Variants in ERBB3 observed in about 807,000 individuals in gnomAD.
ERBB3 encodes receptor tyrosine-protein kinase erbB-3.
ERBB3 carries 96 observed loss-of-function variants against 156.7 expected under a neutral mutation model. The ratio of observed to expected loss-of-function variants is 0.61; its 90% CI spans 0.52 to 0.73. ERBB3 has a LOEUF of 0.73. Ranked by LOEUF, ERBB3 falls within the 30% of genes least tolerant of loss-of-function variation. The probability of loss-of-function intolerance (pLI) is 0.00; values close to 1 mark genes in which losing one functional copy is unlikely to be tolerated. For missense variants in ERBB3, 1,406 were observed against 1,709.4 expected (o/e 0.82, Z 3.13); for synonymous variants, 567 against 632.0 (o/e 0.90, Z 1.54).
At position 56,101,532 on chromosome 12, in the gene ERBB3, C is replaced by G; in HGVS notation, c.3506C>G (p.Thr1169Ser). ...YVMPDTHLKG[T>S]PSSREGTLSS... Reference sequence around the variant, plus strand: ...AGCCTTTCTTCTCAACCCCCAGGTACTCCCTCCTCCCGGGAAGGCACCCTT... The same window carrying G: ...AGCCTTTCTTCTCAACCCCCAGGTAGTCCCTCCTCCCGGGAAGGCACCCTT... Residue 1169 changes from threonine (T) to serine (S), a missense_variant, in exon 28 of 28, where the codon ACT (threonine) becomes AGT (serine). Physicochemically the swap from Thr to Ser is moderately conservative, Grantham distance 58 (BLOSUM62 1). Coordinates refer to ENST00000267101, the MANE Select transcript of ERBB3 (RefSeq NM_001982.4). 1 of 1,614,010 alleles carries G rather than the reference C, an allele frequency of 6.2e-7. No homozygotes were observed. Among genetic ancestry groups the G allele is most frequent in the Non-Finnish European group, 8.5e-7 (1 of 1,179,988 alleles).
intron 26 of ERBB3, 122 bp from the exon 27 acceptor site, chr12:56,100,939 C>CAAAAAAAAA: frequency 3.3e-6 from 1 of 300,948 alleles, no homozygotes; most frequent in Non-Finnish European, 5.7e-6. Context: ...GACTCCACCT[C>CAAAAAAAAA]AAAAAAAAAA....
intron 20 of ERBB3, 50 bp from the exon 21 acceptor site, chr12:56,097,735 G>A: frequency 6.3e-7 from 1 of 1,577,182 alleles, no homozygotes; most frequent in Non-Finnish European, 8.7e-7. Context: ...CCAGATCTCA[G>A]TGACTGATTC....
intron 23 of ERBB3, among the ~76,000 whole-genome samples, chr12:56,099,407 G>A (rs1335839103): frequency 6.6e-6 from 1 of 151,188 alleles, no homozygotes; most frequent in Non-Finnish European, 1.5e-5. Flanking sequence ...AAGTTCTTCT[G>A]TCTCAGCCTC....
chr12:56,098,382 A>G, intron 21 of ERBB3, 118 bp from the exon 22 acceptor site: 1 of 785,718 alleles, frequency 1.3e-6, no homozygotes, highest in Non-Finnish European at 2.2e-6. Context: ...ACTGCACTCC[A>G]GTCTGGGCGA....
intron 20 of ERBB3, among the ~76,000 whole-genome samples, chr12:56,097,445 A>G (rs1360627974): frequency 6.6e-6 from 1 of 152,126 alleles, no homozygotes; most frequent in African/African-American, 2.4e-5. Flanking sequence ...AGTCCCCATC[A>G]CTTGCATTAC....
Position 56,097,226 on chromosome 12 carries a change from C to A in ERBB3, c.2456C>A (p.Ala819Asp), listed in dbSNP as rs1459451822. The change falls in exon 20 of 28, where the codon GCC (alanine) becomes GAC (aspartate). Residue 819 changes from alanine (A) to aspartate (D), a missense_variant. Coordinates refer to ENST00000267101, the MANE Select transcript of ERBB3 (RefSeq NM_001982.4). ...QLLLNWGVQI[A>D]KGMYYLEEHG... ...CTGCTCAACTGGGGAGTACAAATTG[C>A]CAAGGTGAGAGAAGCCTGGAGGAAT... 1 of 1,613,896 alleles carries A rather than the reference C, an allele frequency of 6.2e-7. No individual in the cohort carries two copies. The highest frequency in any genetic ancestry group is 8.5e-7 in the Non-Finnish European group (1 of 1,179,854).
Position 56,101,299 on chromosome 12 carries a change from C to T in ERBB3, c.3440C>T (p.Ser1147Phe), listed in dbSNP as rs1869092602. 2 of 1,614,180 alleles carry T rather than the reference C, an allele frequency of 1.2e-6. No homozygotes were observed. The highest frequency in any genetic ancestry group is 1.7e-6 in the Non-Finnish European group (2 of 1,180,024). The change falls in exon 27 of 28, where the codon TCC becomes TTC. Residue 1147 changes from serine (S) to phenylalanine (F), a missense_variant. Transcript: ENST00000267101. ...HSLLTPVTPL[S>F]PPGLEEEDVN... ...CTGCTGACTCCTGTTACCCCACTCT[C>T]CCCACCCGGGTTAGAGGAAGAGGAT... is the stretch of plus-strand genomic sequence containing the variant.
intron 7 of ERBB3, 137 bp from the exon 8 acceptor site, chr12:56,088,406 C>T: frequency 2.3e-6 from 2 of 869,524 alleles, no homozygotes; most frequent in South Asian, 1.3e-5. Flanking sequence ...TAGGGCAGCA[C>T]TTAAGGGATC....
rs1278863098 is a variant in ERBB3, at chr12:56,099,748, G to A, written c.2937+3G>A. 1.9e-6 allele frequency: 3 copies of A among 1,613,624 alleles called. No individual in the cohort carries two copies. Among genetic ancestry groups the A allele is most frequent in the East Asian group, 2.2e-5 (1 of 44,878 alleles). On this transcript the variant is annotated splice_donor_region_variant and intron_variant, in intron 24 of 27. Transcript: ENST00000267101. The stretch of plus-strand genomic sequence containing the variant: ...CACCACGGTATCTGGTCATAAAGGT[G>A]AGTAGGGAGTAGGAGGTGCTAAGGA...
At chr12:56,083,092 C>T (rs529681686) in intron 1 of ERBB3, among the ~76,000 whole-genome samples, 20 of 152,220 alleles carry the variant, frequency 1.3e-4, no homozygotes, top group African/African-American at 3.9e-4. Context: ...CCCAGCACTG[C>T]CAGAGCTCCC....
chr12:56,080,259 C>T lies in ERBB3; in HGVS notation c.-42C>T. The T allele has an allele frequency of 1.3e-6, 2 of 1,511,332 alleles. No homozygotes were observed. Among genetic ancestry groups the T allele is most frequent in the South Asian group, 1.2e-5 (1 of 83,358 alleles). The allele number at this position is 1,511,332 out of a possible 1,614,324, so 93.6% of individuals were successfully genotyped here. A position where few individuals can be genotyped will look rare whatever the true frequency, so the allele number is the denominator to read the frequency against. ...CTCGATGTCCTAGCCTAGGGGCCCC[C>T]GGGCCGGACTTGGCTGGGCTCCCTT... On this transcript the variant is annotated 5_prime_UTR_variant, in exon 1 of 28. Transcript: ENST00000267101.
Position 56,100,180 on chromosome 12 carries a change from A to C in ERBB3, c.3136A>C (p.Ser1046Arg), listed in dbSNP as rs771613701. 1 of 1,613,902 alleles carries C rather than the reference A, an allele frequency of 6.2e-7. No individual in the cohort carries two copies. The highest frequency in any genetic ancestry group is 8.5e-7 in the Non-Finnish European group (1 of 1,179,788). Residue 1046 changes from serine (S) to arginine (R), a missense_variant, in exon 26 of 28, where the codon AGC becomes CGC. Physicochemically the swap from Ser to Arg is moderately radical, Grantham distance 110 (BLOSUM62 -1). Around this residue, in one of 3 missense-constraint regions of ERBB3, gnomAD observed 415 missense variants for 454.1 expected, o/e 0.91. Transcript: ENST00000267101. The stretch of plus-strand genomic sequence containing the variant: ...CCTTATTTTTTCATCCTAGAGCCAG[A>C]GCCTTTTAAGTCCATCATCTGGATA... Reference protein sequence around the residue: ...GTLNRPRGSQSLLSPSSGYMP... With the variant: ...GTLNRPRGSQRLLSPSSGYMP...
chr12:56,083,785 C>T lies in ERBB3; in HGVS notation c.117C>T (p.Thr39=), dbSNP rs749408634. ...CPGTLNGLSV[T]GDAENQYQTL... The stretch of plus-strand genomic sequence containing the variant: ...GGACTCTGAATGGCCTGAGTGTGAC[C>T]GGCGATGCTGAGAACCAATACCAGA... The change falls in exon 2 of 28, where the codon ACC becomes ACT. Residue 39 remains threonine (T), a synonymous_variant. Transcript: ENST00000267101. 1.6e-5 allele frequency: 26 copies of T among 1,613,886 alleles called. No individual in the cohort carries two copies. Among genetic ancestry groups the T allele is most frequent in the South Asian group, 4.4e-5 (4 of 91,080 alleles).
At position 56,096,565 on chromosome 12, in the gene ERBB3, G is replaced by A. The variant is rs767179070; in HGVS notation, c.2118G>A (p.Glu706=). 6.2e-6 allele frequency: 10 copies of A among 1,614,072 alleles called. No individual in the cohort carries two copies. In the East Asian group the frequency reaches 2.2e-4, roughly 36 times the overall value. ...AAGTCTTGGCCAGAATCTTCAAAGA[G>A]ACAGAGCTAAGGAAGCTTAAAGTGC... ...ANKVLARIFK[E]TELRKLKVLG... Residue 706 remains glutamate (E), a synonymous_variant, in exon 18 of 28, where the codon GAG becomes GAA. Transcript: ENST00000267101.
intron 4 of ERBB3, 95 bp from the exon 5 acceptor site, chr12:56,087,482 A>T: frequency 9.4e-7 from 1 of 1,067,564 alleles, no homozygotes; most frequent in Non-Finnish European, 1.5e-6. Flanking sequence ...GCTTCCCGGG[A>T]TTGAGGTGCC....
At position 56,101,189 on chromosome 12, in the gene ERBB3, G is replaced by C. The variant is rs551404301; in HGVS notation, c.3330G>C (p.Glu1110Asp). The C allele has an allele frequency of 6.2e-7, 1 of 1,614,146 alleles. No homozygotes were observed. The highest frequency in any genetic ancestry group is 1.3e-5 in the African/African-American group (1 of 75,022). The change falls in exon 27 of 28, where the codon GAG becomes GAC. Residue 1110 changes from glutamate to aspartate, a missense_variant. Glu to Asp is a conservative substitution (Grantham distance 45). Transcript: ENST00000267101. ...HVTGSEAELQ[E>D]KVSMCRSRSR... ...CAGGCTCTGAGGCTGAGCTCCAGGA[G>C]AAAGTGTCAATGTGTAGGAGCCGGA... is the stretch of plus-strand genomic sequence containing the variant.
upstream of ERBB3, chr12:56,080,151 C>T (rs1868335036): frequency 1.4e-6 from 1 of 691,304 alleles, no homozygotes; most frequent in Middle Eastern, 2.9e-4. Context: ...CGGACTCCGG[C>T]TCCGGCTCCG....
intron 1 of ERBB3, among the ~76,000 whole-genome samples, chr12:56,081,606 G>A (rs964404395): frequency 6.6e-6 from 1 of 152,172 alleles, no homozygotes; most frequent in Admixed American, 6.5e-5. Flanking sequence ...GTCCCATCCA[G>A]ACTCCTGCAA....
intron 21 of ERBB3, 94 bp from the exon 22 acceptor site, chr12:56,098,406 C>T (rs1449245058): frequency 1.8e-5 from 17 of 963,510 alleles, no homozygotes; most frequent in Middle Eastern, 6.1e-4. Flanking sequence ...AGCGAGACTC[C>T]GTCTCAAAAA....
Sources: allele counts gnomAD v4.1 joint callset (sites outside exome capture counted in the v4.1 genomes callset), GRCh38; gene constraint gnomAD v4.1.1; regional missense constraint gnomAD v4.1.1; transcripts MANE v1.5; gene names NCBI Gene and HGNC (gene_info 2026-07-23, HGNC 2026-07-21).